NNMT: variants seen among roughly 807,000 people sequenced by gnomAD.
NNMT encodes the protein nicotinamide N-methyltransferase.
Under a neutral mutation model 11.7 loss-of-function variants are expected in NNMT, and 10 were observed. That is an observed-to-expected ratio of 0.85 (90% CI 0.53 to 1.45). The LOEUF (loss-of-function observed/expected upper bound fraction) is 1.45. Among genes scored for constraint, NNMT ranks in the 40% most tolerant of loss-of-function variants. The probability of loss-of-function intolerance (pLI) is 0.00; values close to 1 mark genes in which losing one functional copy is unlikely to be tolerated. For synonymous variants in NNMT, 143 were observed against 133.8 expected (o/e 1.07, Z -0.48); for missense variants, 381 against 319.4 (o/e 1.19, Z -1.47).
chr11:114,269,632 C>T (rs1473357599), intron 2 of NNMT: 1 of 152,188 alleles, frequency 6.6e-6, no homozygotes, highest in Non-Finnish European at 1.5e-5. Context: ...AGAGGCTCAT[C>T]CACTTTTAGC....
chr11:114,296,387 T>C, upstream of NNMT: 2 of 638,068 alleles, frequency 3.1e-6, no homozygotes, highest in East Asian at 2.8e-5. Flanking sequence ...ATTTGTGGTC[T>C]ATTTCTCTGT....
At chr11:114,265,982 G>C (rs184530907) in intron 2 of NNMT, among the ~76,000 whole-genome samples, 6 of 152,114 alleles carry the variant, frequency 3.9e-5, no homozygotes, top group African/African-American at 1.4e-4. Context: ...CTTTGTAAGA[G>C]AATTTTTAAT....
intron 1 of NNMT, among the ~76,000 whole-genome samples, chr11:114,258,728 C>T (rs1376834625): frequency 2.0e-5 from 3 of 152,240 alleles, no homozygotes; most frequent in African/African-American, 7.2e-5. Context: ...TAACAAAGTT[C>T]CAAGACACCC....
intron 2 of NNMT, among the ~76,000 whole-genome samples, chr11:114,303,980 G>A (rs1945465957): frequency 6.6e-6 from 1 of 152,014 alleles, no homozygotes; most frequent in Non-Finnish European, 1.5e-5. Context: ...TTTTATATTG[G>A]CTATAGCCTT....
In NNMT at chr11:114,290,781, C is replaced by T. The variant is rs1359337898; in HGVS notation, c.-129-5647C>T. Among the ~76,000 whole-genome samples the T allele has an allele frequency of 2.0e-5, 3 of 152,088 alleles. No homozygotes were observed. In the East Asian group the frequency reaches 5.8e-4, roughly 29 times the overall value. On this transcript the variant is annotated intron_variant, in intron 2 of 4. Transcript: ENST00000535401. ...ACTAGTGGCAAGCTTTTAGTTTTGC[C>T]CGCTACTTTCTCTATTTTGTCCCAA...
In NNMT at chr11:114,312,469, C is replaced by A. The variant is rs1392042062; in HGVS notation, c.787C>A (p.Pro263Thr). The A allele has an allele frequency of 1.2e-6, 2 of 1,612,528 alleles. No homozygotes were observed. Residue 263 changes from proline to threonine, a missense_variant, in exon 3 of 3, where the codon CCC (proline) becomes ACC (threonine). Coordinates refer to ENST00000299964, the MANE Select transcript of NNMT (RefSeq NM_006169.3). ...FSLVARKLSR[P>T]L Reference sequence around the variant, plus strand: ...CCTGGTGGCGAGGAAGCTGAGCAGACCCCTGTGATGCCTGTGACCTCAATT... The same window carrying A: ...CCTGGTGGCGAGGAAGCTGAGCAGAACCCTGTGATGCCTGTGACCTCAATT...
Position 114,312,128 on chromosome 11 carries a change from T to G in NNMT, c.446T>G (p.Leu149Arg), listed in dbSNP as rs769948100. 5.6e-6 allele frequency: 9 copies of G among 1,613,752 alleles called. No homozygotes were observed. The highest frequency in any genetic ancestry group is 7.6e-6 in the Non-Finnish European group (9 of 1,179,756). Residue 149 changes from leucine to arginine, a missense_variant, in exon 3 of 3, where the codon CTG becomes CGG. Physicochemically the swap from Leu to Arg is moderately radical, Grantham distance 102. Transcript: ENST00000299964. ...TGTGATGTGACTCAGAGCCAGCCAC[T>G]GGGGGCCGTCCCCTTACCCCCGGCT... ...LKCDVTQSQP[L>R]GAVPLPPADC... is the part of the protein sequence containing the mutation.
chr11:114,262,011 G>A (rs975879053), intron 1 of NNMT, among the ~76,000 whole-genome samples: 1 of 152,110 alleles, frequency 6.6e-6, no homozygotes, highest in African/African-American at 2.4e-5. Flanking sequence ...AAGGAGCCCA[G>A]AGTGCCCCTA....
chr11:114,287,032 G>A (rs1161905323), intron 2 of NNMT, among the ~76,000 whole-genome samples: 4 of 152,082 alleles, frequency 2.6e-5, no homozygotes, highest in Admixed American at 1.3e-4. Context: ...AGGTTTATTG[G>A]TCACTTGGAT....
chr11:114,267,784 G>T (rs1945133356), intron 2 of NNMT, among the ~76,000 whole-genome samples: 1 of 152,046 alleles, frequency 6.6e-6, no homozygotes, highest in South Asian at 2.1e-4. Context: ...TCCAATTCAT[G>T]CATTTTTCAA....
intron 1 of NNMT, among the ~76,000 whole-genome samples, chr11:114,261,642 C>A (rs1182569016): frequency 6.6e-6 from 1 of 152,154 alleles, no homozygotes. Context: ...GGGTCCCCTG[C>A]TATCCCAGGT....
At chr11:114,311,971 T>C (rs1945552745) in intron 2 of NNMT, 74 bp from the exon 3 acceptor site, 1 of 1,477,850 alleles carries the variant, frequency 6.8e-7, no homozygotes, top group African/African-American at 1.4e-5. Context: ...CGGCCATTTT[T>C]AGCCTTGACC....
chr11:114,271,961 G>A (rs1024495686), intron 2 of NNMT, among the ~76,000 whole-genome samples: 3 of 152,174 alleles, frequency 2.0e-5, no homozygotes, highest in Non-Finnish European at 4.4e-5. Flanking sequence ...TGCAGAGAAG[G>A]AACTGGAAGG....
chr11:114,284,704 TG>T (rs1945284467), intron 2 of NNMT, among the ~76,000 whole-genome samples: 1 of 150,874 alleles, frequency 6.6e-6, no homozygotes, highest in African/African-American at 2.4e-5. Context: ...CCTTGTGATA[TG>T]CCCACCTTGG....
chr11:114,271,054 G>A (rs1348972356), intron 2 of NNMT, among the ~76,000 whole-genome samples: 1 of 152,104 alleles, frequency 6.6e-6, no homozygotes, highest in African/African-American at 2.4e-5. Context: ...TGGGATTACA[G>A]GCATGAACCA....
chr11:114,271,162 G>T (rs994401817), intron 2 of NNMT, among the ~76,000 whole-genome samples: 6 of 152,164 alleles, frequency 3.9e-5, no homozygotes, highest in African/African-American at 1.4e-4. Context: ...TTGGGAGTGG[G>T]CAGGGAGGCA....
intron 2 of NNMT, among the ~76,000 whole-genome samples, chr11:114,264,029 A>C (rs1392247440): frequency 2.0e-5 from 3 of 152,104 alleles, no homozygotes; most frequent in Non-Finnish European, 4.4e-5. Flanking sequence ...CCTGTTTCTA[A>C]TGGACTATGT....
chr11:114,299,763 C>G (rs1945419404), intron 2 of NNMT, among the ~76,000 whole-genome samples: 1 of 149,182 alleles, frequency 6.7e-6, no homozygotes, highest in African/African-American at 2.4e-5. Flanking sequence ...AGAAGTTTGT[C>G]CTTTTTATCT....
intron 1 of NNMT, among the ~76,000 whole-genome samples, chr11:114,297,626 C>T (rs2135271696): frequency 6.6e-6 from 1 of 151,910 alleles, no homozygotes; most frequent in Middle Eastern, 3.4e-3. Flanking sequence ...ACTAGGTCTT[C>T]AGGCACACGC....
Sources: allele counts gnomAD v4.1 joint callset (sites outside exome capture counted in the v4.1 genomes callset), GRCh38; gene constraint gnomAD v4.1.1; transcripts MANE v1.5; gene names NCBI Gene and HGNC (gene_info 2026-07-23, HGNC 2026-07-21).